Variants in IPO8 observed in about 807,000 individuals in gnomAD.
IPO8 encodes importin 8.
In IPO8, 65 loss-of-function variants were observed where a neutral mutation model predicts 141.2. The ratio of observed to expected loss-of-function variants is 0.46; its 90% CI spans 0.38 to 0.57. The LOEUF (loss-of-function observed/expected upper bound fraction) is 0.57, where lower values mean the gene tolerates loss of function less well. Ranked by LOEUF, IPO8 falls within the 20% of genes least tolerant of loss-of-function variation. IPO8 has a pLI of 0.00. For synonymous variants in IPO8, 411 were observed against 420.3 expected (o/e 0.98, Z 0.27); for missense variants, 980 against 1,246.8 (o/e 0.79, Z 3.22).
chr12:30,639,399 A>C, intron 21 of IPO8, 116 bp downstream of exon 21: 1 of 669,572 alleles, frequency 1.5e-6, no homozygotes, highest in East Asian at 2.7e-5. Context: ...TTAACAATAC[A>C]CTAAAAATAA....
chr12:30,669,794 C>T (rs1369265943), intron 9 of IPO8, among the ~76,000 whole-genome samples: 1 of 151,732 alleles, frequency 6.6e-6, no homozygotes, highest in Non-Finnish European at 1.5e-5. Context: ...ATTTTCTTTA[C>T]TTCTATTCCC....
At chr12:30,653,997 A>G (rs2052762225) in intron 17 of IPO8, among the ~76,000 whole-genome samples, 1 of 152,082 alleles carries the variant, frequency 6.6e-6, no homozygotes, top group Non-Finnish European at 1.5e-5. Context: ...ACTGGGATAA[A>G]AACAGACACA....
chr12:30,649,116 C>T (rs2052688229), intron 20 of IPO8, 21 bp downstream of exon 20: 1 of 1,512,194 alleles, frequency 6.6e-7, no homozygotes, highest in South Asian at 1.1e-5. Flanking sequence ...TCAAGTAAGG[C>T]ACTTTCCAGA....
chr12:30,647,812 C>T (rs984884948), intron 20 of IPO8, among the ~76,000 whole-genome samples: 2 of 151,896 alleles, frequency 1.3e-5, no homozygotes, highest in African/African-American at 4.8e-5. Flanking sequence ...CAAATAATTA[C>T]AAATGAGCAA....
chr12:30,691,910 T>A (rs1004561540), intron 1 of IPO8, among the ~76,000 whole-genome samples: 1 of 152,228 alleles, frequency 6.6e-6, no homozygotes, highest in East Asian at 1.9e-4. Context: ...CTTCCTTTCA[T>A]CCTGTGTAGT....
chr12:30,636,162 G>C (rs955388999), intron 22 of IPO8, among the ~76,000 whole-genome samples: 1 of 151,992 alleles, frequency 6.6e-6, no homozygotes, highest in African/African-American at 2.4e-5. Flanking sequence ...ATAATCTCTG[G>C]TATATGAACA....
In IPO8 at chr12:30,656,697, C is replaced by A; in HGVS notation, c.1935G>T (p.Gln645His). The A allele has an allele frequency of 6.4e-7, 1 of 1,557,808 alleles. No individual in the cohort carries two copies. Among genetic ancestry groups the A allele is most frequent in the South Asian group, 1.2e-5 (1 of 82,280 alleles). The change falls in exon 17 of 25, where the codon CAG (glutamine) becomes CAT (histidine). Residue 645 changes from glutamine (Q) to histidine (H), a missense_variant. Around this residue, in one of 3 missense-constraint regions of IPO8, gnomAD observed 924 missense variants for 1,153.9 expected, o/e 0.80. Transcript: ENST00000256079. ...CTTTGAACTTACCAATTACATGTTT[C>A]TGCAGAACAAGATCAATGATCCGTA... ...ICLRIIDLVL[Q>H]KHVIEFYEEI... is the part of the protein sequence containing the mutation.
At chr12:30,682,400 C>T (rs1430303639) in intron 3 of IPO8, among the ~76,000 whole-genome samples, 2 of 151,864 alleles carry the variant, frequency 1.3e-5, no homozygotes, top group Non-Finnish European at 2.9e-5. Context: ...GTATTATTAG[C>T]GAGGCAATTC....
chr12:30,662,124 T>C (rs2052895912), intron 15 of IPO8, among the ~76,000 whole-genome samples: 1 of 152,234 alleles, frequency 6.6e-6, no homozygotes, highest in Non-Finnish European at 1.5e-5. Context: ...ATGGAATTAT[T>C]TGTATCTAAA....
chr12:30,676,808 C>A lies in IPO8; in HGVS notation c.640-221G>T, dbSNP rs956745286. 8 of 978,422 alleles carry A rather than the reference C, an allele frequency of 8.2e-6. No individual in the cohort carries two copies. The African/African-American group carries it at 9.8e-5, about 12-fold the overall frequency. The allele number at this position is 978,422 out of a possible 1,614,324, so 60.6% of individuals were successfully genotyped here. ...ACCTGCCATGAGTTGTTTCTTGGGT[C>A]TACTTTTTAAAAGGAAAAACAAATG... is the stretch of plus-strand genomic sequence containing the variant. On this transcript the variant is annotated intron_variant, in intron 5 of 24. Transcript: ENST00000256079.
intron 9 of IPO8, 35 bp from the exon 10 acceptor site, chr12:30,669,317 G>A: frequency 1.0e-6 from 1 of 1,004,530 alleles, no homozygotes; most frequent in Non-Finnish European, 1.5e-6. Flanking sequence ...GTAACAAATG[G>A]GTATAGGCTA....
At chr12:30,678,884 G>A (rs2053155580) in intron 5 of IPO8, among the ~76,000 whole-genome samples, 1 of 152,160 alleles carries the variant, frequency 6.6e-6, no homozygotes, top group Non-Finnish European at 1.5e-5. Flanking sequence ...CTGTCACCCA[G>A]GCTGCAGTGC....
At chr12:30,676,922 T>C (rs761267653) in intron 5 of IPO8, 2 of 1,532,432 alleles carry the variant, frequency 1.3e-6, no homozygotes, top group Non-Finnish European at 1.7e-6. Context: ...CTTTCCATTT[T>C]AACCACCTTG....
intron 20 of IPO8, among the ~76,000 whole-genome samples, chr12:30,647,479 G>A (rs2052663244): frequency 6.6e-6 from 1 of 151,660 alleles, no homozygotes; most frequent in Admixed American, 6.6e-5. Flanking sequence ...GCCAGGTGTA[G>A]TAGCACGTGC....
At chr12:30,646,033 C>A (rs2052641368) in intron 20 of IPO8, among the ~76,000 whole-genome samples, 1 of 152,040 alleles carries the variant, frequency 6.6e-6, no homozygotes, top group Non-Finnish European at 1.5e-5. Flanking sequence ...ACTCTGATAC[C>A]AAAGCCAGAC....
Position 30,639,679 on chromosome 12 carries a change from A to G in IPO8, c.2325T>C (p.Thr775=). The G allele has an allele frequency of 6.2e-7, 1 of 1,614,164 alleles. No individual in the cohort carries two copies. The highest frequency in any genetic ancestry group is 8.5e-7 in the Non-Finnish European group (1 of 1,180,016). The change falls in exon 21 of 25, where the codon ACT becomes ACC. Residue 775 remains threonine, a synonymous_variant. Transcript: ENST00000256079. ...VLERLTRGVK[T]SELRTMCLQV... is the part of the protein sequence containing the mutation. Reference sequence around the variant, plus strand: ...GAAGACACATAGTACGAAGCTCACTAGTTTTGACCCCTCGAGTTAATCTCT... The same window carrying G: ...GAAGACACATAGTACGAAGCTCACTGGTTTTGACCCCTCGAGTTAATCTCT...
Position 30,688,459 on chromosome 12 carries a change from CT to C in IPO8, c.166+2036del, listed in dbSNP as rs199577032. On this transcript the variant is annotated intron_variant, in intron 2 of 24. Transcript: ENST00000256079. ...GTATTTCCACTTAACATTAGCATAA[CT>C]TTTTTTTTACAGCTTTATACAGGCT... The C allele has an allele frequency of 5.6e-4, 236 of 422,886 alleles. 1 individual carries two copies. Among genetic ancestry groups the C allele is most frequent in the East Asian group, 7.7e-4 (10 of 12,944 alleles). 26.2% of individuals were successfully genotyped at this position (422,886 alleles called of 1,614,324 possible).
chr12:30,689,520 A>G (rs1042291562), intron 2 of IPO8, among the ~76,000 whole-genome samples: 1 of 152,224 alleles, frequency 6.6e-6, no homozygotes, highest in Non-Finnish European at 1.5e-5. Context: ...TTTTATCTTA[A>G]CCACAAAGTG....
chr12:30,662,627 C>T, intron 14 of IPO8, 140 bp from the exon 15 acceptor site: 1 of 691,866 alleles, frequency 1.4e-6, no homozygotes, highest in South Asian at 1.6e-5. Context: ...TGGTAAGTTA[C>T]AAAGCTGTAC....
Sources: gnomAD v4.1 joint callset for allele counts (sites outside exome capture counted in the v4.1 genomes callset) on GRCh38, gnomAD v4.1.1 for gene constraint, gnomAD v4.1.1 regional missense constraint, MANE v1.5 for transcripts, NCBI Gene and HGNC (gene_info 2026-07-23, HGNC 2026-07-21) for gene names.